PGM5: variants seen among roughly 807,000 people sequenced by gnomAD.
PGM5 encodes the protein phosphoglucomutase 5.
Under a neutral mutation model 59.2 loss-of-function variants are expected in PGM5, and 23 were observed. That is an observed-to-expected ratio of 0.39 (90% CI 0.28 to 0.55). The LOEUF (loss-of-function observed/expected upper bound fraction) is 0.55. PGM5 is among the 20% of genes least tolerant of loss of function. PGM5 has a pLI of 0.66. For missense variants in PGM5, 574 were observed against 748.3 expected, an observed-to-expected ratio of 0.77 and a Z score of 2.72; for synonymous variants, 214 against 286.0, an observed-to-expected ratio of 0.75 and a Z score of 2.54.
At chr9:68,442,900 A>G (rs1459833674) in intron 6 of PGM5, among the ~76,000 whole-genome samples, 1 of 152,224 alleles carries the variant, frequency 6.6e-6, no homozygotes, top group African/African-American at 2.4e-5. Flanking sequence ...TACTGCTAAT[A>G]CCTTAGTGTT....
At chr9:68,486,778 G>A (rs1824303697) in intron 9 of PGM5, among the ~76,000 whole-genome samples, 1 of 152,066 alleles carries the variant, frequency 6.6e-6, no homozygotes, top group African/African-American at 2.4e-5. Flanking sequence ...CAATTCTCCT[G>A]GGTACATACT....
intron 8 of PGM5, among the ~76,000 whole-genome samples, chr9:68,480,068 T>A (rs1202421119): frequency 6.6e-6 from 1 of 152,184 alleles, no homozygotes; most frequent in Non-Finnish European, 1.5e-5. Context: ...CCTGATGACA[T>A]CACTCTTTAA....
rs1563977785 is a variant in PGM5, at chr9:68,357,199, C to T, written c.72C>T (p.Gly24=). 11 of 1,539,614 alleles carry T rather than the reference C, an allele frequency of 7.1e-6. No homozygotes were observed. In the Admixed American group the frequency reaches 1.6e-4, roughly 22 times the overall value. ...ACGAGGACCAGCGGCCGGCCGGCGG[C>T]GGGGGTCTGCGGCGACCCACCGGCC... ...APYEDQRPAG[G]GGLRRPTGLF... The change falls in exon 1 of 11, where the codon GGC becomes GGT. Residue 24 remains glycine, a synonymous_variant. Coordinates refer to ENST00000396396, the MANE Select transcript of PGM5 (RefSeq NM_021965.4).
chr9:68,446,259 G>C (rs1397140989), intron 6 of PGM5, among the ~76,000 whole-genome samples: 1 of 152,224 alleles, frequency 6.6e-6, no homozygotes, highest in Admixed American at 6.5e-5. Flanking sequence ...AATTTAAAAA[G>C]TAATAATTCA....
chr9:68,370,993 T>C (rs1198618206), intron 1 of PGM5, among the ~76,000 whole-genome samples: 46 of 152,204 alleles, frequency 3.0e-4, no homozygotes, highest in Non-Finnish European at 6.0e-4. Flanking sequence ...TGTGATAATG[T>C]TCATATATGT....
intron 6 of PGM5, among the ~76,000 whole-genome samples, chr9:68,418,633 G>A (rs1554682152): frequency 1.3e-5 from 2 of 152,074 alleles, no homozygotes; most frequent in Admixed American, 6.5e-5. Flanking sequence ...GCGGCCTGCT[G>A]TTTGGCAGGA....
intron 6 of PGM5, among the ~76,000 whole-genome samples, chr9:68,418,983 C>T (rs74943233): frequency 0.022 from 3,339 of 152,176 alleles, 126 homozygotes; most frequent in African/African-American, 0.075. Flanking sequence ...TCAGGTGGCC[C>T]GTTTCAAAAT....
chr9:68,429,165 T>C (rs1823300980), intron 6 of PGM5: 1 of 152,210 alleles, frequency 6.6e-6, no homozygotes, highest in Non-Finnish European at 1.5e-5. Context: ...AGTTAAACTC[T>C]GAAGCACTTA....
chr9:68,500,676 T>A (rs981277212), intron 10 of PGM5, among the ~76,000 whole-genome samples: 10 of 152,180 alleles, frequency 6.6e-5, no homozygotes, highest in African/African-American at 2.4e-4. Flanking sequence ...AAAACACTAT[T>A]CTACATCTCA....
chr9:68,491,996 G>A (rs908144437), intron 9 of PGM5, among the ~76,000 whole-genome samples: 1 of 152,226 alleles, frequency 6.6e-6, no homozygotes, highest in East Asian at 1.9e-4. Flanking sequence ...TGTCTAAAGT[G>A]TCAGTAGTAA....
chr9:68,473,085 T>A (rs990982592), intron 7 of PGM5, among the ~76,000 whole-genome samples: 1 of 152,200 alleles, frequency 6.6e-6, no homozygotes, highest in South Asian at 2.1e-4. Context: ...AAAATCAATC[T>A]ATCTATCAGT....
Position 68,384,554 on chromosome 9 carries a change from A to G in PGM5, c.571+10A>G, listed in dbSNP as rs1554678693. ...TTCAAACCATTCAGAGGTAACAGAG[A>G]TTTTATTTTGAAGAAGTCAGAGTAA... is the stretch of plus-strand genomic sequence containing the variant. On this transcript the variant is annotated intron_variant, in intron 3 of 10. Transcript: ENST00000396396. The G allele has an allele frequency of 6.3e-7, 1 of 1,598,150 alleles. No homozygotes were observed. Among genetic ancestry groups the G allele is most frequent in the South Asian group, 1.1e-5 (1 of 89,312 alleles).
intron 1 of PGM5, among the ~76,000 whole-genome samples, chr9:68,359,649 T>G (rs1834540213): frequency 6.6e-6 from 1 of 152,214 alleles, no homozygotes; most frequent in Non-Finnish European, 1.5e-5. Flanking sequence ...TCAGGAATAC[T>G]GAACTTGGAT....
In PGM5 at chr9:68,357,337, C is replaced by T. The variant is rs1554675817; in HGVS notation, c.210C>T (p.Tyr70=). The stretch of plus-strand genomic sequence containing the variant: ...TGGTGGTGGGCAGCGACGGCAGGTA[C>T]TTTAGCAGGACGGCCATCGAGATCG... ...CTMVVGSDGR[Y]FSRTAIEIVV... Residue 70 remains tyrosine (Y), a synonymous_variant, in exon 1 of 11, where the codon TAC becomes TAT. Transcript: ENST00000396396. The T allele has an allele frequency of 1.3e-5, 20 of 1,556,672 alleles. No individual in the cohort carries two copies. The highest frequency in any genetic ancestry group is 1.6e-5 in the Non-Finnish European group (18 of 1,153,280).
rs782781419 is a variant in PGM5 at position 68,378,402 on chromosome 9, T to C, written c.424+41T>C. ...TATGCCTTAATAATTACGATTTCTT[T>C]CCTCTTATATTATTATAGTCTCACA... On this transcript the variant is annotated intron_variant, in intron 2 of 10. Coordinates refer to ENST00000396396, the MANE Select transcript of PGM5 (RefSeq NM_021965.4). 7 of 1,533,542 alleles carry C rather than the reference T, an allele frequency of 4.6e-6. No homozygotes were observed. In the East Asian group the frequency reaches 1.7e-4, roughly 37 times the overall value. The allele number at this position is 1,533,542 out of a possible 1,614,324, so 95.0% of individuals were successfully genotyped here. A position where few individuals can be genotyped will look rare whatever the true frequency, so the allele number is the denominator to read the frequency against.
chr9:68,474,096 A>T (rs1358387847), intron 7 of PGM5, among the ~76,000 whole-genome samples: 2 of 152,150 alleles, frequency 1.3e-5, no homozygotes, highest in Non-Finnish European at 2.9e-5. Context: ...AGGAGTTTTT[A>T]AAAAAGAAAT....
At chr9:68,529,399 C>T (rs1368000342) in intron 10 of PGM5, among the ~76,000 whole-genome samples, 168 bp from the exon 11 acceptor site, 2 of 152,132 alleles carry the variant, frequency 1.3e-5, no homozygotes, top group Non-Finnish European at 2.9e-5. Flanking sequence ...CTGCCCTGCC[C>T]ATTCCAACTA....
chr9:68,423,629 ATC>A (rs368417025), intron 6 of PGM5, among the ~76,000 whole-genome samples: 411 of 127,728 alleles, frequency 3.2e-3, no homozygotes, highest in Middle Eastern at 7.9e-3. Context: ...AGAGCACAAA[ATC>A]TCTCTCTCTC....
At chr9:68,390,913 C>A (rs1822347900) in intron 4 of PGM5, among the ~76,000 whole-genome samples, 1 of 151,802 alleles carries the variant, frequency 6.6e-6, no homozygotes, top group Non-Finnish European at 1.5e-5. Flanking sequence ...GCAGCTTTGA[C>A]TCATCCCACT....
Sources: allele counts gnomAD v4.1 joint callset (sites outside exome capture counted in the v4.1 genomes callset), GRCh38; gene constraint gnomAD v4.1.1; transcripts MANE v1.5; gene names NCBI Gene and HGNC (gene_info 2026-07-23, HGNC 2026-07-21).